BAHCC1: variants seen among roughly 807,000 people sequenced by gnomAD.
BAHCC1 encodes BAH and coiled-coil domain-containing protein 1.
BAHCC1 carries 43 observed loss-of-function variants against 88.2 expected under a neutral mutation model. The ratio of observed to expected loss-of-function variants is 0.49; its 90% CI spans 0.38 to 0.63. BAHCC1 has a LOEUF of 0.63. BAHCC1 is among the 20% of genes least tolerant of loss of function. The probability of loss-of-function intolerance (pLI) is 0.00; values close to 1 mark genes in which losing one functional copy is unlikely to be tolerated. For missense variants in BAHCC1, 3,023 were observed against 1,654.8 expected (o/e 1.83, Z -14.34); for synonymous variants, 1,510 against 745.5 (o/e 2.03, Z -16.71).
rs539113299 is a variant in BAHCC1, at chr17:81,422,473, A to G, written c.179-4327A>G. Reference sequence around the variant, plus strand: ...CAGCCCTGCCTGACTCTGGGCACAGACAGCACTTTGGGACCCCCAGCTTGG... The same window carrying G: ...CAGCCCTGCCTGACTCTGGGCACAGGCAGCACTTTGGGACCCCCAGCTTGG... On this transcript the variant is annotated intron_variant, in intron 2 of 27. Coordinates refer to ENST00000675386, the MANE Select transcript of BAHCC1 (RefSeq NM_001377448.1). 2.0e-5 allele frequency among the ~76,000 whole-genome samples: 3 copies of G among 152,338 alleles called. No homozygotes were observed. The East Asian group carries it at 5.8e-4, about 29-fold the overall frequency.
chr17:81,441,716 A>T (rs2064420059), intron 4 of BAHCC1, 115 bp from the exon 5 acceptor site: 1 of 475,022 alleles, frequency 2.1e-6, no homozygotes, highest in African/African-American at 2.0e-5. Context: ...CTAGGCTGTA[A>T]CCTGGAGTCA....
intron 2 of BAHCC1, among the ~76,000 whole-genome samples, chr17:81,404,471 C>G (rs1038947176): frequency 6.6e-6 from 1 of 152,100 alleles, no homozygotes; most frequent in South Asian, 2.1e-4. Flanking sequence ...GAGGGGATGC[C>G]GAGGCTGGGG....
rs782069841 is a variant in BAHCC1 at position 81,460,716 on chromosome 17, C to A, written c.6202+10C>A. On this transcript the variant is annotated intron_variant, in intron 25 of 27. Transcript: ENST00000675386. ...AGCAAAGACAAAGCTGGTATTTTACCGGACTTCCCAGAATCCGGATCGGGG... is the reference window on the plus strand; with the variant it reads ...AGCAAAGACAAAGCTGGTATTTTACAGGACTTCCCAGAATCCGGATCGGGG... The A allele has an allele frequency of 1.3e-6, 1 of 774,514 alleles. No homozygotes were observed. The highest frequency in any genetic ancestry group is 1.7e-5 in the Admixed American group (1 of 57,992). The allele number at this position is 774,514 out of a possible 1,614,324, so 48.0% of individuals were successfully genotyped here. A position where few individuals can be genotyped will look rare whatever the true frequency, so the allele number is the denominator to read the frequency against.
At chr17:81,417,272 G>A (rs191378951) in intron 2 of BAHCC1, among the ~76,000 whole-genome samples, 475 of 152,262 alleles carry the variant, frequency 3.1e-3, no homozygotes, top group Non-Finnish European at 5.9e-3. Flanking sequence ...TGCGGGGGGC[G>A]GCGCCGAGGG....
chr17:81,405,065 T>C lies in BAHCC1; in HGVS notation c.178+5148T>C, dbSNP rs187914329. On this transcript the variant is annotated intron_variant, in intron 2 of 27. Coordinates refer to ENST00000675386, the MANE Select transcript of BAHCC1 (RefSeq NM_001377448.1). ...GGTGTGTTTTGTTTTTGTTTTTGTT[T>C]TGTTTTTGTTTTTTGAGACAGTCTG... Among the ~76,000 whole-genome samples, 17 of 151,932 alleles carry C rather than the reference T, an allele frequency of 1.1e-4. No individual in the cohort carries two copies. In the East Asian group the frequency reaches 2.5e-3, roughly 22 times the overall value.
At chr17:81,459,406 C>T (rs1334436722) in intron 22 of BAHCC1, 78 bp downstream of exon 22, 36 of 757,820 alleles carry the variant, frequency 4.8e-5, no homozygotes, top group East Asian at 3.9e-4. Flanking sequence ...TGGCCTGGGC[C>T]GCAGCCACTC....
rs1231142310 is a variant in BAHCC1, at chr17:81,464,871, G to GC, written c.*1058dup. On this transcript the variant is annotated 3_prime_UTR_variant, in exon 28 of 28. Coordinates refer to ENST00000675386, the MANE Select transcript of BAHCC1 (RefSeq NM_001377448.1). ...CTCGGGAAGCAGGGCCCAGCTCTGAGCCCCTCCTCACCCCTGGGGTCCTAA... is the reference window on the plus strand; with the variant it reads ...CTCGGGAAGCAGGGCCCAGCTCTGAGCCCCCTCCTCACCCCTGGGGTCCTAA... 1 of 152,298 alleles carries GC rather than the reference G, an allele frequency of 6.6e-6. No homozygotes were observed. The highest frequency in any genetic ancestry group is 2.1e-4 in the South Asian group (1 of 4,826). 9.4% of individuals were successfully genotyped at this position (152,298 alleles called of 1,614,324 possible).
In BAHCC1 at chr17:81,443,545, G is replaced by T. The variant is rs2064464540; in HGVS notation, c.2196G>T (p.Arg732=). 1 of 647,260 alleles carries T rather than the reference G, an allele frequency of 1.5e-6. No individual in the cohort carries two copies. The highest frequency in any genetic ancestry group is 2.8e-6 in the Non-Finnish European group (1 of 354,752). The allele number at this position is 647,260 out of a possible 1,614,324, so 40.1% of individuals were successfully genotyped here. The change falls in exon 5 of 28, where the codon CGG becomes CGT. Residue 732 remains arginine (R), a synonymous_variant. Transcript: ENST00000675386. ...AYGTNTARQG[R]AAPAFKGGGG... ...GCACCAACACTGCGCGGCAGGGCCG[G>T]GCCGCCCCCGCCTTCAAAGGTACAG...
At chr17:81,458,005 G>T (rs2064783294) in intron 17 of BAHCC1, among the ~76,000 whole-genome samples, 160 bp from the exon 18 acceptor site, 1 of 147,572 alleles carries the variant, frequency 6.8e-6, no homozygotes, top group African/African-American at 2.5e-5. Flanking sequence ...GGAGGGCAGG[G>T]GTTGCTGGGT....
In BAHCC1 at chr17:81,442,142, G is replaced by A; in HGVS notation, c.793G>A (p.Gly265Ser). The A allele has an allele frequency of 1.5e-6, 1 of 661,496 alleles. No individual in the cohort carries two copies. The highest frequency in any genetic ancestry group is 2.7e-5 in the Admixed American group (1 of 37,150). The allele number at this position is 661,496 out of a possible 1,614,324, so 41.0% of individuals were successfully genotyped here. The part of the protein sequence containing the change: ...PVPADGHCRE[G>S]GPAPRGACEG... ...GCCAGCCGACGGGCACTGCAGGGAG[G>A]GCGGCCCCGCACCCCGAGGGGCCTG... The change falls in exon 5 of 28, where the codon GGC becomes AGC. Residue 265 changes from glycine (G) to serine (S), a missense_variant. Physicochemically the swap from Gly to Ser is moderately conservative, Grantham distance 56. Coordinates refer to ENST00000675386, the MANE Select transcript of BAHCC1 (RefSeq NM_001377448.1).
chr17:81,445,623 C>G lies in BAHCC1; in HGVS notation c.3105C>G (p.Ala1035=), dbSNP rs569051529. The change falls in exon 10 of 28, where the codon GCC becomes GCG. Residue 1035 remains alanine, a synonymous_variant. Coordinates refer to ENST00000675386, the MANE Select transcript of BAHCC1 (RefSeq NM_001377448.1). ...SPGPGSRVRS[A]EEKNGEGQQS... is the part of the protein sequence containing the mutation. ...GGCCTGGCTCCCGGGTGCGCAGCGC[C>G]GAGGAAAAGAATGGGGAGGGTCAGC... 6.8e-6 allele frequency: 5 copies of G among 733,320 alleles called. No homozygotes were observed. The highest frequency in any genetic ancestry group is 4.4e-5 in the South Asian group (3 of 68,520). The allele number at this position is 733,320 out of a possible 1,614,324, so 45.4% of individuals were successfully genotyped here. A position where few individuals can be genotyped will look rare whatever the true frequency, so the allele number is the denominator to read the frequency against.
intron 2 of BAHCC1, among the ~76,000 whole-genome samples, chr17:81,403,275 A>G (rs1421315572): frequency 1.3e-5 from 2 of 152,118 alleles, no homozygotes; most frequent in Non-Finnish European, 1.5e-5. Context: ...CCACCAAGGC[A>G]CTATTTCTCA....
rs115965200 is a variant in BAHCC1, at chr17:81,407,955, C to T, written c.178+8038C>T. ...GGCACGGGCACCTGTCTGCCCCCTA[C>T]GTCCTCCCCAACTGCTCCATCCTCC... On this transcript the variant is annotated intron_variant, in intron 2 of 27. Transcript: ENST00000675386. 4.2e-3 allele frequency among the ~76,000 whole-genome samples: 647 copies of T among 152,322 alleles called. 3 individuals are homozygous for T. Among genetic ancestry groups the T allele is most frequent in the African/African-American group, 0.014 (593 of 41,574 alleles).
intron 14 of BAHCC1, among the ~76,000 whole-genome samples, chr17:81,454,058 C>T (rs1225853007): frequency 6.6e-6 from 1 of 152,202 alleles, no homozygotes; most frequent in African/African-American, 2.4e-5. Flanking sequence ...TTTTCATGAG[C>T]AGCTGGGTAT....
At chr17:81,407,360 C>A (rs116128116) in intron 2 of BAHCC1, 1 of 519,952 alleles carries the variant, frequency 1.9e-6, no homozygotes, top group Non-Finnish European at 3.8e-6. Flanking sequence ...AGCCTGCTGG[C>A]GTCTTCAAGG....
intron 2 of BAHCC1, among the ~76,000 whole-genome samples, chr17:81,412,176 G>A (rs1381393007): frequency 1.3e-5 from 2 of 152,208 alleles, no homozygotes; most frequent in Non-Finnish European, 2.9e-5. Flanking sequence ...ACCCCATCCG[G>A]CCAGCCCTGC....
At chr17:81,421,150 C>T (rs375636771) in intron 2 of BAHCC1, among the ~76,000 whole-genome samples, 3 of 152,252 alleles carry the variant, frequency 2.0e-5, no homozygotes, top group Admixed American at 6.5e-5. Flanking sequence ...TCAAGACCCC[C>T]TCCCTGGCCC....
At chr17:81,418,017 T>C (rs1555648997) in intron 2 of BAHCC1, among the ~76,000 whole-genome samples, 3 of 152,260 alleles carry the variant, frequency 2.0e-5, no homozygotes, top group African/African-American at 7.2e-5. Context: ...CTTGTCCAGC[T>C]GCCTTCGTGG....
At chr17:81,413,198 C>A (rs2063977252) in intron 2 of BAHCC1, 1 of 382,286 alleles carries the variant, frequency 2.6e-6, no homozygotes, top group Non-Finnish European at 5.3e-6. Flanking sequence ...GTGGCTGCCT[C>A]CCCTGTGCTG....
Sources: gnomAD v4.1 joint callset for allele counts (sites outside exome capture counted in the v4.1 genomes callset) on GRCh38, gnomAD v4.1.1 for gene constraint, MANE v1.5 for transcripts, NCBI Gene and HGNC (gene_info 2026-07-23, HGNC 2026-07-21) for gene names.